ZNF385D: variants seen among roughly 807,000 people sequenced by gnomAD.
The protein encoded by ZNF385D is zinc finger protein 385D, also known as zinc finger protein 659.
In ZNF385D, 15 loss-of-function variants were observed where a neutral mutation model predicts 35.8. The ratio of observed to expected loss-of-function variants is 0.42; its 90% CI spans 0.28 to 0.64. The LOEUF is 0.64. Among genes scored for constraint, ZNF385D ranks in the 30% least tolerant of loss-of-function variants. ZNF385D has a pLI of 0.23. For synonymous variants in ZNF385D, 212 were observed against 186.8 expected, an observed-to-expected ratio of 1.13 and a Z score of -1.10; for missense variants, 474 against 494.6, an observed-to-expected ratio of 0.96 and a Z score of 0.39.
At chr3:21,510,737 A>G in intron 4 of ZNF385D, 124 bp downstream of exon 4, 1 of 1,255,434 alleles carries the variant, frequency 8.0e-7, no homozygotes, top group Non-Finnish European at 1.1e-6. Context: ...ACCATTATAC[A>G]GAAAGATGGC....
At chr3:21,659,761 A>G (rs1016726508) in intron 2 of ZNF385D, among the ~76,000 whole-genome samples, 2 of 152,078 alleles carry the variant, frequency 1.3e-5, no homozygotes, top group African/African-American at 4.8e-5. Context: ...GTATTCAATA[A>G]ATATCTGTTG....
upstream of ZNF385D, chr3:21,751,483 G>C (rs923167445): frequency 2.2e-4 from 216 of 981,374 alleles, no homozygotes; most frequent in Non-Finnish European, 2.5e-4. Context: ...CGTGTAATTA[G>C]ACAACACTTT....
intron 4 of ZNF385D, among the ~76,000 whole-genome samples, chr3:21,493,637 C>CT (rs11443396): frequency 0.19 from 27,768 of 145,904 alleles, 2,653 homozygotes; most frequent in Admixed American, 0.29. Flanking sequence ...TGGATTTTTT[C>CT]TTTTTTTTTT....
intron 3 of ZNF385D, among the ~76,000 whole-genome samples, chr3:22,154,646 A>C (rs185295124): frequency 6.6e-6 from 1 of 152,210 alleles, no homozygotes; most frequent in Non-Finnish European, 1.5e-5. Context: ...TTTAATGTAC[A>C]TACCTTGCCT....
At chr3:22,137,654 T>C (rs1036265754) in intron 3 of ZNF385D, among the ~76,000 whole-genome samples, 3 of 152,280 alleles carry the variant, frequency 2.0e-5, no homozygotes, top group African/African-American at 4.8e-5. Context: ...AAATTAGGTA[T>C]TGATGGGACG....
chr3:21,530,244 G>A (rs1011086921), intron 3 of ZNF385D, among the ~76,000 whole-genome samples: 5 of 152,094 alleles, frequency 3.3e-5, no homozygotes, highest in African/African-American at 9.7e-5. Context: ...TAAAATAAAT[G>A]TCTTTTCTTT....
At chr3:21,969,274 T>C (rs576879299) in intron 3 of ZNF385D, among the ~76,000 whole-genome samples, 1 of 152,044 alleles carries the variant, frequency 6.6e-6, no homozygotes, top group African/African-American at 2.4e-5. Context: ...ACTTGCATAA[T>C]CCCCACGTGT....
intron 3 of ZNF385D, among the ~76,000 whole-genome samples, chr3:22,073,594 G>A (rs1409508988): frequency 6.6e-6 from 1 of 151,826 alleles, no homozygotes; most frequent in Non-Finnish European, 1.5e-5. Context: ...TTTATGCCAT[G>A]AATTATGAGA....
intron 2 of ZNF385D, among the ~76,000 whole-genome samples, chr3:22,299,280 A>C (rs1334911970): frequency 6.6e-6 from 1 of 151,910 alleles, no homozygotes; most frequent in African/African-American, 2.4e-5. Flanking sequence ...CCAATTGAAC[A>C]AAAAAGAACA....
At chr3:21,617,174 G>T (rs898461609) in intron 2 of ZNF385D, among the ~76,000 whole-genome samples, 5 of 152,210 alleles carry the variant, frequency 3.3e-5, no homozygotes, top group East Asian at 1.9e-4. Flanking sequence ...GCCACTAAAG[G>T]TACAAAATTT....
intron 3 of ZNF385D, among the ~76,000 whole-genome samples, chr3:21,980,238 A>T (rs6784031): frequency 3.3e-5 from 5 of 151,948 alleles, no homozygotes; most frequent in Non-Finnish European, 7.4e-5. Flanking sequence ...GCCCCAGTCA[A>T]GCTTTCAGTT....
chr3:22,330,283 T>C (rs1032413739), intron 2 of ZNF385D, among the ~76,000 whole-genome samples: 3 of 152,196 alleles, frequency 2.0e-5, no homozygotes, highest in Non-Finnish European at 4.4e-5. Context: ...TTTTAAATCT[T>C]TGTCAGGCTT....
rs911090175 is a variant in ZNF385D at position 22,205,400 on chromosome 3, G to A, written c.107-36365C>T. Among the ~76,000 whole-genome samples, 7 of 151,030 alleles carry A rather than the reference G, an allele frequency of 4.6e-5. No individual in the cohort carries two copies. The East Asian group carries it at 1.4e-3, about 29-fold the overall frequency. ...TCTACAATCTTAAAGAAAAAAAAAA[G>A]AAAACATTTATGAGCAACAATAAAT... On this transcript the variant is annotated intron_variant, in intron 2 of 5. Transcript: ENST00000494108.
intron 1 of ZNF385D, among the ~76,000 whole-genome samples, chr3:21,694,188 C>G (rs1490248979): frequency 6.6e-6 from 1 of 151,670 alleles, no homozygotes; most frequent in East Asian, 1.9e-4. Flanking sequence ...GGACTACAGG[C>G]GCCCGCCACC....
intron 2 of ZNF385D, among the ~76,000 whole-genome samples, chr3:21,654,985 AG>A (rs1264217266): frequency 6.6e-6 from 1 of 152,088 alleles, no homozygotes; most frequent in Non-Finnish European, 1.5e-5. Context: ...AGTCTGAGAA[AG>A]TTAGTTATTC....
chr3:21,587,962 T>C (rs1322100622), intron 2 of ZNF385D, among the ~76,000 whole-genome samples: 1 of 152,146 alleles, frequency 6.6e-6, no homozygotes, highest in Non-Finnish European at 1.5e-5. Flanking sequence ...GGTTCTATTA[T>C]CTCCTTTGGA....
chr3:22,344,019 T>C (rs1695539322), intron 2 of ZNF385D, among the ~76,000 whole-genome samples: 1 of 152,172 alleles, frequency 6.6e-6, no homozygotes, highest in Admixed American at 6.5e-5. Flanking sequence ...CTCAACTCTC[T>C]TCCTTCATGA....
intron 2 of ZNF385D, among the ~76,000 whole-genome samples, chr3:22,251,439 A>G (rs1231023867): frequency 6.6e-6 from 1 of 151,950 alleles, no homozygotes; most frequent in Non-Finnish European, 1.5e-5. Context: ...CTTCCTCAAC[A>G]CCTCTTTCTC....
At chr3:22,164,257 T>C (rs1468353291) in intron 3 of ZNF385D, among the ~76,000 whole-genome samples, 5 of 123,854 alleles carry the variant, frequency 4.0e-5, no homozygotes, top group African/African-American at 9.0e-5. Context: ...TGAGACGGGG[T>C]CTCACTCTGT....
Sources: gnomAD v4.1 joint callset for allele counts (sites outside exome capture counted in the v4.1 genomes callset) on GRCh38, gnomAD v4.1.1 for gene constraint, MANE v1.5 for transcripts, NCBI Gene and HGNC (gene_info 2026-07-23, HGNC 2026-07-21) for gene names.